RBM19: variants seen among roughly 807,000 people sequenced by gnomAD.
The protein encoded by RBM19 is RNA binding motif protein 19, also known as probable RNA-binding protein 19.
RBM19 carries 94 observed loss-of-function variants against 116.8 expected under a neutral mutation model. The observed-to-expected ratio is 0.80, with a 90% CI of 0.68 to 0.95. The LOEUF (loss-of-function observed/expected upper bound fraction) is 0.95, where lower values mean the gene tolerates loss of function less well. RBM19 is among the 40% of genes least tolerant of loss of function. The probability of loss-of-function intolerance (pLI) is 0.00; values close to 1 mark genes in which losing one functional copy is unlikely to be tolerated. For synonymous variants in RBM19, 475 were observed against 494.1 expected (o/e 0.96, Z 0.51); for missense variants, 1,161 against 1,220.7 (o/e 0.95, Z 0.73).
At chr12:113,892,886 C>T (rs1392903269) in intron 21 of RBM19, among the ~76,000 whole-genome samples, 2 of 152,072 alleles carry the variant, frequency 1.3e-5, no homozygotes, top group South Asian at 2.1e-4. Flanking sequence ...GCCAAATGCA[C>T]AGTAATATGG....
chr12:113,876,620 G>C (rs141860207), intron 21 of RBM19, among the ~76,000 whole-genome samples: 1 of 151,798 alleles, frequency 6.6e-6, no homozygotes, highest in Non-Finnish European at 1.5e-5. Flanking sequence ...GTGAAACCCC[G>C]TCTGTACCAA....
chr12:113,842,031 C>G (rs887214415), intron 23 of RBM19, among the ~76,000 whole-genome samples: 1 of 152,188 alleles, frequency 6.6e-6, no homozygotes, highest in Non-Finnish European at 1.5e-5. Flanking sequence ...CATAGAGCTG[C>G]TAGGGAGTGA....
intron 21 of RBM19, among the ~76,000 whole-genome samples, chr12:113,870,388 A>G (rs1266590379): frequency 6.6e-6 from 1 of 152,118 alleles, no homozygotes; most frequent in Non-Finnish European, 1.5e-5. Flanking sequence ...TTTGGTTAAG[A>G]TCCATTTCAA....
chr12:113,904,524 G>A (rs914556261), intron 21 of RBM19, among the ~76,000 whole-genome samples: 1 of 152,172 alleles, frequency 6.6e-6, no homozygotes, highest in East Asian at 1.9e-4. Flanking sequence ...GCCCCGGCAG[G>A]CCCTTGGGTA....
intron 21 of RBM19, among the ~76,000 whole-genome samples, chr12:113,912,653 C>T (rs1361289476): frequency 6.6e-6 from 1 of 152,204 alleles, no homozygotes; most frequent in Non-Finnish European, 1.5e-5. Flanking sequence ...CACGGGAAGG[C>T]ATTCAAGCTC....
rs530505150 is a variant in RBM19 at position 113,893,515 on chromosome 12, G to A, written c.2558+21454C>T. Among the ~76,000 whole-genome samples the A allele has an allele frequency of 2.5e-3, 377 of 152,264 alleles. 3 individuals carry two copies. Among genetic ancestry groups the A allele is most frequent in the Middle Eastern group, 0.01 (3 of 294 alleles). Reference sequence around the variant, plus strand: ...CAGTAACATTCTTGATAAACACTGCGGATGTCTTTTCCTTCCATCATTTAG... The same window carrying A: ...CAGTAACATTCTTGATAAACACTGCAGATGTCTTTTCCTTCCATCATTTAG... On this transcript the variant is annotated intron_variant, in intron 21 of 23. Coordinates refer to ENST00000261741, the MANE Select transcript of RBM19 (RefSeq NM_016196.4).
At chr12:113,839,787 A>G (rs2135710003) in intron 23 of RBM19, among the ~76,000 whole-genome samples, 1 of 152,380 alleles carries the variant, frequency 6.6e-6, no homozygotes, top group Middle Eastern at 3.4e-3. Context: ...ACAGAAGCTC[A>G]CAGGGAGGAA....
intron 23 of RBM19, among the ~76,000 whole-genome samples, chr12:113,824,712 C>T (rs766927482): frequency 3.3e-5 from 5 of 152,054 alleles, no homozygotes; most frequent in South Asian, 4.1e-4. Flanking sequence ...TTTCCCTCTG[C>T]GTGTTCCTGG....
At chr12:113,951,537 A>AC (rs1491362782) in intron 8 of RBM19, among the ~76,000 whole-genome samples, 11,751 of 150,058 alleles carry the variant, frequency 0.078, 1,464 homozygotes, top group African/African-American at 0.26. Context: ...ACACACACAC[A>AC]AACACACACA....
intron 21 of RBM19, among the ~76,000 whole-genome samples, chr12:113,902,515 C>G (rs1182006835): frequency 2.0e-5 from 3 of 148,616 alleles, no homozygotes; most frequent in African/African-American, 7.4e-5. Context: ...AGGAGGATCC[C>G]TTGAGCCCAG....
In RBM19 at chr12:113,863,474, G is replaced by A. The variant is rs573913973; in HGVS notation, c.2559-4578C>T. On this transcript the variant is annotated intron_variant, in intron 21 of 23. Transcript: ENST00000261741. ...CGGAGCTGGACAGTTTTGCAGCTGT[G>A]CTGGTACCTGGAGCCTGGGCAGGCT... 3.3e-5 allele frequency among the ~76,000 whole-genome samples: 5 copies of A among 152,332 alleles called. No individual in the cohort carries two copies. The South Asian group carries it at 1.0e-3, about 32-fold the overall frequency.
intron 21 of RBM19, among the ~76,000 whole-genome samples, chr12:113,867,752 T>G (rs1178017080): frequency 6.6e-6 from 1 of 151,966 alleles, no homozygotes; most frequent in East Asian, 1.9e-4. Context: ...GAAGCCCCAT[T>G]TCTACTAAAA....
chr12:113,886,940 C>T (rs2135799257), intron 21 of RBM19, among the ~76,000 whole-genome samples: 1 of 151,996 alleles, frequency 6.6e-6, no homozygotes, highest in Non-Finnish European at 1.5e-5. Flanking sequence ...AAAGCCTGCG[C>T]TGAGAGGGAA....
At chr12:113,842,736 G>A (rs1030826462) in intron 23 of RBM19, among the ~76,000 whole-genome samples, 2 of 152,212 alleles carry the variant, frequency 1.3e-5, no homozygotes, top group Non-Finnish European at 2.9e-5. Context: ...ACTGATACCT[G>A]TGGAGGGGGA....
At chr12:113,922,550 C>T (rs950219301) in intron 18 of RBM19, among the ~76,000 whole-genome samples, 7 of 152,282 alleles carry the variant, frequency 4.6e-5, no homozygotes, top group Admixed American at 3.3e-4. Flanking sequence ...GGGACAGCCA[C>T]CTCCACCTGC....
chr12:113,936,051 A>T (rs1870032670), intron 16 of RBM19, among the ~76,000 whole-genome samples: 1 of 108,944 alleles, frequency 9.2e-6, no homozygotes, highest in African/African-American at 4.9e-5. Context: ...ACAAAACAAA[A>T]CAAAAAAAAC....
intron 21 of RBM19, among the ~76,000 whole-genome samples, chr12:113,900,427 CCAAA>C (rs1186638510): frequency 1.3e-5 from 2 of 152,152 alleles, no homozygotes; most frequent in African/African-American, 2.4e-5. Context: ...TCCACGGAGC[CCAAA>C]CAGTCTCAAT....
intron 23 of RBM19, among the ~76,000 whole-genome samples, 163 bp downstream of exon 23, chr12:113,844,505 A>G (rs1876774028): frequency 6.6e-6 from 1 of 151,092 alleles, no homozygotes; most frequent in African/African-American, 2.4e-5. Flanking sequence ...GAAGGTGGAC[A>G]GCAGGTCTGG....
In RBM19 at chr12:113,940,360, G is replaced by C. The variant is rs76806115; in HGVS notation, c.1738-200C>G. 1.6e-3 allele frequency among the ~76,000 whole-genome samples: 240 copies of C among 152,088 alleles called. 3 individuals are homozygous for C. Among genetic ancestry groups the C allele is most frequent in the African/African-American group, 5.3e-3 (220 of 41,372 alleles). On this transcript the variant is annotated intron_variant, in intron 14 of 23. Coordinates refer to ENST00000261741, the MANE Select transcript of RBM19 (RefSeq NM_016196.4). ...AAGGCTGCAAGGCAGCTCTGCAGAG[G>C]GGGTAAGGCCTGGGACTCTGAAGCT... is the stretch of plus-strand genomic sequence containing the variant.
Sources: allele counts gnomAD v4.1 joint callset (sites outside exome capture counted in the v4.1 genomes callset), GRCh38; gene constraint gnomAD v4.1.1; transcripts MANE v1.5; gene names NCBI Gene and HGNC (gene_info 2026-07-23, HGNC 2026-07-21).